The following C20orf96 variants were observed in gnomAD, a reference collection of about 807,000 sequenced individuals.
The protein encoded by C20orf96 is chromosome 20 open reading frame 96.
In C20orf96, 57 loss-of-function variants were observed where a neutral mutation model predicts 52.6. The ratio of observed to expected loss-of-function variants is 1.08; its 90% CI spans 0.88 to 1.35. The LOEUF (loss-of-function observed/expected upper bound fraction) is 1.35, where lower values mean the gene tolerates loss of function less well. Among genes scored for constraint, C20orf96 ranks in the 40% most tolerant of loss-of-function variants. The pLI is 0.00. For missense variants in C20orf96, 478 were observed against 443.6 expected (o/e 1.08, Z -0.70); for synonymous variants, 168 against 157.2 (o/e 1.07, Z -0.51).
At chr20:278,966 C>G (rs544183354) in intron 5 of C20orf96, among the ~76,000 whole-genome samples, 9 of 1,382 alleles carry the variant, frequency 6.5e-3, no homozygotes, top group Non-Finnish European at 0.011. Context: ...GAGGGCGGGA[C>G]GGAGGGAGGG....
intron 3 of C20orf96, among the ~76,000 whole-genome samples, chr20:285,371 A>G (rs1203112558): frequency 1.6e-4 from 24 of 152,222 alleles, no homozygotes; most frequent in Admixed American, 1.6e-3. Flanking sequence ...CATCTGGGAG[A>G]GATACTAATC....
At chr20:290,496 G>C in intron 1 of C20orf96, 95 bp downstream of exon 1, 1 of 1,558,394 alleles carries the variant, frequency 6.4e-7, no homozygotes, top group Admixed American at 1.9e-5. Flanking sequence ...GACCGAGGGC[G>C]ACCTCGAGGC....
rs748236997 is a variant in C20orf96 at position 277,111 on chromosome 20, T to C, written c.758A>G (p.Lys253Arg). 2 of 1,613,848 alleles carry C rather than the reference T, an allele frequency of 1.2e-6. No individual in the cohort carries two copies. Among genetic ancestry groups the C allele is most frequent in the African/African-American group, 1.3e-5 (1 of 74,924 alleles). The change falls in exon 8 of 11, where the codon AAG becomes AGG. Residue 253 changes from lysine (K) to arginine (R), a missense_variant. By Grantham distance (26) the Lys-to-Arg change is conservative. Coordinates refer to ENST00000360321, the MANE Select transcript of C20orf96 (RefSeq NM_153269.3). ...CTTGTCAGACAAGGATTCCAGGACC[T>C]TTCTGCGCATCTCACCGAGGTCATC... The part of the protein sequence containing the change: ...ELDDLGEMRR[K>R]VLESLSDKIQ...
chr20:279,673 A>G (rs1272751857), intron 4 of C20orf96, among the ~76,000 whole-genome samples: 1 of 152,174 alleles, frequency 6.6e-6, no homozygotes. Context: ...TCAATGAAAT[A>G]TAGAAATAAT....
rs773207477 is a variant in C20orf96, at chr20:279,270, T to G, written c.367A>C (p.Ser123Arg). 3.1e-6 allele frequency: 5 copies of G among 1,610,758 alleles called. No homozygotes were observed. Among genetic ancestry groups the G allele is most frequent in the East Asian group, 2.2e-5 (1 of 44,692 alleles). The change falls in exon 5 of 11, where the codon AGC becomes CGC. Residue 123 changes from serine (S) to arginine (R), a missense_variant. Transcript: ENST00000360321. ...RELRSRENFL[S>R]KLNRELIETI... is the part of the protein sequence containing the mutation. ...TCGATCAGCTCCCGGTTGAGCTTGC[T>G]GAGGAAGTTCTCACGGCTTCGGAGC... is the stretch of plus-strand genomic sequence containing the variant.
intron 3 of C20orf96, among the ~76,000 whole-genome samples, chr20:286,928 A>G (rs1224946671): frequency 6.6e-6 from 1 of 152,050 alleles, no homozygotes. Context: ...AACTGTGGGG[A>G]TTGGCTTTTT....
intron 1 of C20orf96, 126 bp from the exon 2 acceptor site, chr20:290,433 G>A: frequency 1.3e-6 from 2 of 1,543,048 alleles, no homozygotes; most frequent in African/African-American, 1.4e-5. Flanking sequence ...ATAGCCCCGC[G>A]GGAGTGGGGC....
At position 277,210 on chromosome 20, in the gene C20orf96, G is replaced by A. The variant is rs374311184; in HGVS notation, c.723+16C>T. ...TCCCACACAGTCTGGTGGGAGAGGGGCAGGGGCTCCCCTACCTGCTGGCTG... is the reference window on the plus strand; with the variant it reads ...TCCCACACAGTCTGGTGGGAGAGGGACAGGGGCTCCCCTACCTGCTGGCTG... On this transcript the variant is annotated intron_variant, in intron 7 of 10. Coordinates refer to ENST00000360321, the MANE Select transcript of C20orf96 (RefSeq NM_153269.3). The A allele has an allele frequency of 1.2e-5, 20 of 1,613,952 alleles. No homozygotes were observed. The highest frequency in any genetic ancestry group is 1.7e-5 in the Non-Finnish European group (20 of 1,179,984).
intron 2 of C20orf96, 89 bp downstream of exon 2, chr20:290,170 G>A: frequency 9.6e-7 from 1 of 1,041,214 alleles, no homozygotes; most frequent in Non-Finnish European, 1.4e-6. Flanking sequence ...GCCTATATCC[G>A]CGGAGCAGTC....
intron 10 of C20orf96, among the ~76,000 whole-genome samples, 200 bp from the exon 11 acceptor site, chr20:271,467 CACACACACACACAT>C (rs1156459199): frequency 1.3e-5 from 2 of 150,458 alleles, no homozygotes; most frequent in African/African-American, 2.5e-5. Flanking sequence ...CACACACACA[CACACACACACACAT>C]ACACACACAT....
chr20:289,051 A>AT (rs2012468712), intron 3 of C20orf96, among the ~76,000 whole-genome samples: 1 of 152,122 alleles, frequency 6.6e-6, no homozygotes, highest in Non-Finnish European at 1.5e-5. Flanking sequence ...TTATTCTACG[A>AT]TTTCACCAAA....
At chr20:283,924 T>G (rs780444906) in intron 4 of C20orf96, 39 bp downstream of exon 4, 15 of 1,417,488 alleles carry the variant, frequency 1.1e-5, no homozygotes, top group African/African-American at 1.4e-5. Context: ...TCCCCGTCCC[T>G]GTCCTGGGCC....
rs1409581909 is a variant in C20orf96, at chr20:276,661, AG to A, written c.912+131del. ...AGTGACAGTAATGGCACCGGCAAGG[AG>A]GGAGGCCAACACCAGAGTCAGAGAC... On this transcript the variant is annotated intron_variant, in intron 9 of 10. Transcript: ENST00000360321. The A allele has an allele frequency of 6.7e-6, 10 of 1,487,882 alleles. No homozygotes were observed. In the East Asian group the frequency reaches 2.2e-4, roughly 33 times the overall value. 92.2% of individuals were successfully genotyped at this position (1,487,882 alleles called of 1,614,324 possible).
At position 290,245 on chromosome 20, in the gene C20orf96, C is replaced by A. The variant is rs145925101; in HGVS notation, c.69+14G>T. Reference sequence around the variant, plus strand: ...GCGAGCCTCCCACCCCAGCCCTAGTCCCCCAAGACTCACCGGAACCTGGAA... The same window carrying A: ...GCGAGCCTCCCACCCCAGCCCTAGTACCCCAAGACTCACCGGAACCTGGAA... On this transcript the variant is annotated intron_variant, in intron 2 of 10. Transcript: ENST00000360321. 2.5e-6 allele frequency: 4 copies of A among 1,606,546 alleles called. No homozygotes were observed. The highest frequency in any genetic ancestry group is 3.4e-6 in the Non-Finnish European group (4 of 1,174,694).
At chr20:278,616 G>T (rs970143511) in intron 5 of C20orf96, among the ~76,000 whole-genome samples, 187 bp from the exon 6 acceptor site, 1 of 151,806 alleles carries the variant, frequency 6.6e-6, no homozygotes, top group African/African-American at 2.4e-5. Context: ...CATACAGATC[G>T]CTTGCTATTA....
Position 277,337 on chromosome 20 carries a change from G to A in C20orf96, c.612C>T (p.Thr204=). Residue 204 remains threonine (T), a synonymous_variant, in exon 7 of 11, where the codon ACC becomes ACT. Coordinates refer to ENST00000360321, the MANE Select transcript of C20orf96 (RefSeq NM_153269.3). ...AEQLNAKIEK[T]QEEVNFLSTY... ...TGCTCAGGAAGTTCACTTCCTCCTGGGTCTTCTCAATCTTGGCATTCAGCT... is the reference window on the plus strand; with the variant it reads ...TGCTCAGGAAGTTCACTTCCTCCTGAGTCTTCTCAATCTTGGCATTCAGCT... The A allele has an allele frequency of 6.2e-7, 1 of 1,614,060 alleles. No individual in the cohort carries two copies. Among genetic ancestry groups the A allele is most frequent in the South Asian group, 1.1e-5 (1 of 91,072 alleles).
chr20:289,452 T>G (rs573433059), intron 3 of C20orf96, 107 bp downstream of exon 3: 26 of 732,288 alleles, frequency 3.6e-5, no homozygotes, highest in Non-Finnish European at 5.5e-5. Flanking sequence ...GCATTGTTTA[T>G]TACATCAGTT....
At chr20:272,763 C>T (rs184756080) in intron 10 of C20orf96, among the ~76,000 whole-genome samples, 3 of 152,288 alleles carry the variant, frequency 2.0e-5, no homozygotes, top group Middle Eastern at 3.4e-3. Flanking sequence ...AGTCAGGAAC[C>T]CAGGGGTTAT....
chr20:279,130 G>T lies in C20orf96; in HGVS notation c.465+42C>A. ...AGGGAGGGAGGGAGGGACGGAGGTT[G>T]GGACGGAGGGACGGAGGGCGGGCGG... On this transcript the variant is annotated intron_variant, in intron 5 of 10. Transcript: ENST00000360321. The T allele has an allele frequency of 1.7e-6, 2 of 1,198,776 alleles. 1 individual carries two copies. Among genetic ancestry groups the T allele is most frequent in the Non-Finnish European group, 2.2e-6 (2 of 914,536 alleles). 74.3% of individuals were successfully genotyped at this position (1,198,776 alleles called of 1,614,324 possible). A position where few individuals can be genotyped will look rare whatever the true frequency, so the allele number is the denominator to read the frequency against.
Sources: gnomAD v4.1 joint callset for allele counts (sites outside exome capture counted in the v4.1 genomes callset) on GRCh38, gnomAD v4.1.1 for gene constraint, MANE v1.5 for transcripts, NCBI Gene and HGNC (gene_info 2026-07-23, HGNC 2026-07-21) for gene names.